Variants in CELF2 observed in about 807,000 individuals in gnomAD.
The protein encoded by CELF2 is CUGBP Elav-like family member 2.
A neutral mutation model predicts 62.6 loss-of-function variants in CELF2; 8 were observed. The ratio of observed to expected loss-of-function variants is 0.13; its 90% CI spans 0.07 to 0.23. The LOEUF (loss-of-function observed/expected upper bound fraction) is 0.23. Among genes scored for constraint, CELF2 ranks in the 10% least tolerant of loss-of-function variants. The pLI is 1.00. For missense variants in CELF2, 333 were observed against 671.0 expected (o/e 0.50, Z 5.56); for synonymous variants, 258 against 250.0 (o/e 1.03, Z -0.30).
chr10:10,621,118 C>G, the CELF2 span, among the ~76,000 whole-genome samples: 1 of 149,158 alleles, frequency 6.7e-6, no homozygotes, highest in Non-Finnish European at 1.5e-5. Flanking sequence ...GTGGCGGGCG[C>G]CTGTAGTCCC....
chr10:11,284,349 G>A (rs2090339370), intron 8 of CELF2, among the ~76,000 whole-genome samples: 1 of 149,892 alleles, frequency 6.7e-6, no homozygotes, highest in Admixed American at 6.6e-5. Context: ...TGAGTGTGTG[G>A]TGAGTGGATG....
rs117930844 is a variant in CELF2, at chr10:10,936,228, G to A, written c.89+16229G>A. On this transcript the variant is annotated intron_variant, in intron 2 of 13. Transcript: ENST00000636488. The surrounding 1 kb of genome is among the most constrained non-coding windows in gnomAD (Gnocchi z 4.0). Reference sequence around the variant, plus strand: ...GAAACAATAAGTCTTGCAGAGGTTAGAAAGAAGGTAAAGAAATGGTTACTT... The same window carrying A: ...GAAACAATAAGTCTTGCAGAGGTTAAAAAGAAGGTAAAGAAATGGTTACTT... Among the ~76,000 whole-genome samples the A allele has an allele frequency of 0.038, 5,742 of 152,246 alleles. 167 individuals carry two copies. Among genetic ancestry groups the A allele is most frequent in the Non-Finnish European group, 0.057 (3,878 of 68,010 alleles).
At chr10:10,879,173 A>C (rs2061292189) in intron 1 of CELF2, among the ~76,000 whole-genome samples, 1 of 152,220 alleles carries the variant, frequency 6.6e-6, no homozygotes, top group South Asian at 2.1e-4. Flanking sequence ...TCATAATGGA[A>C]AGTAAACACT....
the CELF2 span, among the ~76,000 whole-genome samples, chr10:10,655,485 T>C: frequency 1.3e-4 from 16 of 126,310 alleles, 1 homozygote; most frequent in Admixed American, 2.4e-4. Context: ...TACAAGGCTA[T>C]AGTAACCAAA....
the CELF2 span, among the ~76,000 whole-genome samples, chr10:10,632,523 T>C: frequency 6.6e-6 from 1 of 152,164 alleles, no homozygotes; most frequent in Non-Finnish European, 1.5e-5. Context: ...GGCAGAGGAA[T>C]GCTCTGTCAT....
At chr10:11,014,275 C>T (rs1593144871), upstream of CELF2, among the ~76,000 whole-genome samples, 1 of 152,170 alleles carries the variant, frequency 6.6e-6, no homozygotes, top group Admixed American at 6.5e-5. Flanking sequence ...AATGCTAGCA[C>T]ATCTTTGTTC....
chr10:11,197,003 A>AAAGAAAGAAG (rs35302334), intron 2 of CELF2, among the ~76,000 whole-genome samples: 2 of 3,916 alleles, frequency 5.1e-4, no homozygotes, highest in African/African-American at 2.0e-3. Flanking sequence ...GGAAGGAAGG[A>AAAGAAAGAAG]GAAAGAAAGA....
the CELF2 span, among the ~76,000 whole-genome samples, chr10:10,680,532 CA>C: frequency 6.6e-6 from 1 of 152,158 alleles, no homozygotes; most frequent in African/African-American, 2.4e-5. Context: ...TGCTATAGGC[CA>C]ACCACAGAAG....
intron 2 of CELF2, among the ~76,000 whole-genome samples, chr10:11,000,005 G>A (rs1398592346): frequency 6.6e-6 from 1 of 152,104 alleles, no homozygotes; most frequent in Non-Finnish European, 1.5e-5. Context: ...AATATTAAAC[G>A]CCTAACTTAT....
the CELF2 span, among the ~76,000 whole-genome samples, chr10:10,779,038 A>G: frequency 6.6e-6 from 1 of 152,160 alleles, no homozygotes; most frequent in South Asian, 2.1e-4. Flanking sequence ...AGGAGAAGGT[A>G]TTTGCAAAGA....
the CELF2 span, among the ~76,000 whole-genome samples, chr10:10,549,677 G>A: frequency 6.6e-6 from 1 of 152,128 alleles, no homozygotes; most frequent in Non-Finnish European, 1.5e-5. Context: ...GCTTGTCTAT[G>A]TTCTCATTGA....
chr10:10,768,253 T>C, the CELF2 span, among the ~76,000 whole-genome samples: 1 of 152,046 alleles, frequency 6.6e-6, no homozygotes, highest in African/African-American at 2.4e-5. Context: ...TCACCTACCT[T>C]TCTGAGTTGC....
chr10:10,650,565 T>A, the CELF2 span, among the ~76,000 whole-genome samples: 1 of 152,144 alleles, frequency 6.6e-6, no homozygotes, highest in African/African-American at 2.4e-5. Context: ...AACAAGAGAA[T>A]GAATTTTTCA....
chr10:11,314,418 A>C lies in CELF2; in HGVS notation c.1096+160A>C. The C allele has an allele frequency of 1.1e-6, 1 of 911,792 alleles. No individual in the cohort carries two copies. The highest frequency in any genetic ancestry group is 1.6e-5 in the African/African-American group (1 of 61,308). The allele number at this position is 911,792 out of a possible 1,614,324, so 56.5% of individuals were successfully genotyped here. On this transcript the variant is annotated intron_variant, in intron 10 of 12. Coordinates refer to ENST00000633077, the MANE Select transcript of CELF2 (RefSeq NM_001326342.2). This position sits in a 1 kb window ranked among gnomAD's most constrained non-coding sequence, Gnocchi z 5.3. Reference sequence around the variant, plus strand: ...ATGCTTTGATAGGCAAAAGCTGTCTACACTCGTTTTGCCTCAGAAAATCCC... The same window carrying C: ...ATGCTTTGATAGGCAAAAGCTGTCTCCACTCGTTTTGCCTCAGAAAATCCC...
At chr10:10,622,830 A>G in the CELF2 span, among the ~76,000 whole-genome samples, 11 of 151,770 alleles carry the variant, frequency 7.2e-5, no homozygotes, top group Non-Finnish European at 1.2e-4. Context: ...GCGGTGGCTT[A>G]TGCCTGTAAT....
chr10:10,793,682 A>G (rs1489011447), upstream of CELF2, among the ~76,000 whole-genome samples: 1 of 152,208 alleles, frequency 6.6e-6, no homozygotes, highest in Non-Finnish European at 1.5e-5. Context: ...AAATAGGCAT[A>G]TTTTGATCCT....
At chr10:10,863,842 T>C (rs1221112481) in intron 1 of CELF2, among the ~76,000 whole-genome samples, 1 of 152,144 alleles carries the variant, frequency 6.6e-6, no homozygotes, top group Non-Finnish European at 1.5e-5. Flanking sequence ...CACTAACTTG[T>C]TTAACTAGGA....
At chr10:11,195,143 T>C (rs2057115151) in intron 2 of CELF2, among the ~76,000 whole-genome samples, 1 of 152,204 alleles carries the variant, frequency 6.6e-6, no homozygotes, top group Non-Finnish European at 1.5e-5. Context: ...TAAACTCCTA[T>C]CACACCTCTA....
chr10:10,791,657 T>A, the CELF2 span, among the ~76,000 whole-genome samples: 5 of 152,198 alleles, frequency 3.3e-5, no homozygotes, highest in Non-Finnish European at 7.3e-5. Context: ...CTAAAATAAT[T>A]CTTTAAAAGT....
Sources: allele counts gnomAD v4.1 joint callset (sites outside exome capture counted in the v4.1 genomes callset), GRCh38; gene constraint gnomAD v4.1.1; non-coding constraint Gnocchi (gnomAD v3.1); transcripts MANE v1.5; gene names NCBI Gene and HGNC (gene_info 2026-07-23, HGNC 2026-07-21).